The following SLC26A7 variants were observed in gnomAD, a reference collection of about 807,000 sequenced individuals.
SLC26A7 encodes the protein solute carrier family 26 member 7.
Under a neutral mutation model 82.5 loss-of-function variants are expected in SLC26A7, and 59 were observed. The ratio of observed to expected loss-of-function variants is 0.72; its 90% CI spans 0.58 to 0.89. The LOEUF is 0.89. SLC26A7 is among the 40% of genes least tolerant of loss of function. SLC26A7 has a pLI of 0.00. For synonymous variants in SLC26A7, 271 were observed against 274.3 expected (o/e 0.99, Z 0.12); for missense variants, 820 against 793.0 (o/e 1.03, Z -0.41).
intron 2 of SLC26A7, among the ~76,000 whole-genome samples, chr8:91,228,909 A>T (rs1810275513): frequency 6.6e-6 from 1 of 152,228 alleles, no homozygotes; most frequent in Non-Finnish European, 1.5e-5. Flanking sequence ...TCAAAGAATA[A>T]AATATCCATA....
At chr8:91,368,742 A>T (rs1461712075) in intron 14 of SLC26A7, among the ~76,000 whole-genome samples, 2 of 152,054 alleles carry the variant, frequency 1.3e-5, no homozygotes, top group Non-Finnish European at 2.9e-5. Context: ...TATTTTTAAG[A>T]GGAGGGAAAG....
chr8:91,223,704 A>G (rs1170971143), intron 2 of SLC26A7, among the ~76,000 whole-genome samples: 3 of 152,052 alleles, frequency 2.0e-5, no homozygotes, highest in Admixed American at 1.3e-4. Context: ...GTATTTGCTG[A>G]ATTTGCAAGT....
At chr8:91,344,232 C>T in intron 9 of SLC26A7, 1 of 983,046 alleles carries the variant, frequency 1.0e-6, no homozygotes, top group Non-Finnish European at 1.2e-6. Flanking sequence ...TCAGTTTCTA[C>T]ATGAGAAAGT....
At chr8:91,371,541 C>G (rs967385752) in intron 15 of SLC26A7, among the ~76,000 whole-genome samples, 2 of 149,350 alleles carry the variant, frequency 1.3e-5, no homozygotes, top group Admixed American at 6.6e-5. Flanking sequence ...TGACCTCCAG[C>G]TCCATCCATG....
chr8:91,228,085 A>T (rs1241098289), intron 2 of SLC26A7, among the ~76,000 whole-genome samples: 1 of 152,220 alleles, frequency 6.6e-6, no homozygotes, highest in Non-Finnish European at 1.5e-5. Context: ...TCCAAAAGGG[A>T]TCTGGAGACT....
intron 8 of SLC26A7, 159 bp from the exon 9 acceptor site, chr8:91,343,194 A>T: frequency 1.8e-6 from 1 of 571,324 alleles, no homozygotes; most frequent in Non-Finnish European, 3.1e-6. Flanking sequence ...GTAAGCACCC[A>T]ATAAATGTTA....
At chr8:91,276,123 T>A (rs1811399967) in intron 2 of SLC26A7, among the ~76,000 whole-genome samples, 1 of 152,232 alleles carries the variant, frequency 6.6e-6, no homozygotes, top group African/African-American at 2.4e-5. Flanking sequence ...GTGTGATGTT[T>A]ACTTACATAA....
At chr8:91,369,909 C>A (rs1814306513) in intron 15 of SLC26A7, 76 bp downstream of exon 15, 1 of 1,139,106 alleles carries the variant, frequency 8.8e-7, no homozygotes, top group South Asian at 1.4e-5. Flanking sequence ...TCTTCTTCCC[C>A]TTCTCCTCCT....
chr8:91,394,799 A>T (rs1159441372), intron 18 of SLC26A7: 1 of 935,800 alleles, frequency 1.1e-6, no homozygotes, highest in Non-Finnish European at 1.4e-6. Flanking sequence ...TATGAGGTAG[A>T]TATGATAATT....
At chr8:91,278,625 CT>C (rs1048190566) in intron 2 of SLC26A7, among the ~76,000 whole-genome samples, 3 of 151,776 alleles carry the variant, frequency 2.0e-5, no homozygotes, top group African/African-American at 7.3e-5. Context: ...AAATATTTGC[CT>C]TTTTTTAATT....
intron 14 of SLC26A7, among the ~76,000 whole-genome samples, chr8:91,367,325 A>G (rs930985203): frequency 6.6e-6 from 1 of 152,194 alleles, no homozygotes; most frequent in African/African-American, 2.4e-5. Flanking sequence ...TCTTTTCTTT[A>G]AACAAAAAAG....
At chr8:91,361,919 A>G (rs1814060795) in intron 11 of SLC26A7, among the ~76,000 whole-genome samples, 1 of 152,106 alleles carries the variant, frequency 6.6e-6, no homozygotes, top group Non-Finnish European at 1.5e-5. Flanking sequence ...TTAATAAACA[A>G]CCTTAGTTAT....
intron 4 of SLC26A7, among the ~76,000 whole-genome samples, chr8:91,313,669 AAC>A (rs1812549993): frequency 6.6e-6 from 1 of 152,108 alleles, no homozygotes; most frequent in African/African-American, 2.4e-5. Flanking sequence ...CCCCTTTCCC[AAC>A]ATCATCATTT....
At chr8:91,301,999 G>A (rs1812179999) in intron 4 of SLC26A7, among the ~76,000 whole-genome samples, 1 of 151,874 alleles carries the variant, frequency 6.6e-6, no homozygotes, top group Admixed American at 6.6e-5. Context: ...TTTTAGGTGG[G>A]TGAGTCTTTT....
chr8:91,248,371 G>A (rs1167894596), upstream of SLC26A7, among the ~76,000 whole-genome samples: 1 of 152,054 alleles, frequency 6.6e-6, no homozygotes, highest in Non-Finnish European at 1.5e-5. Context: ...TGCAGCAGGA[G>A]GGATCCAAGT....
At chr8:91,285,869 A>G (rs1263694085) in intron 2 of SLC26A7, among the ~76,000 whole-genome samples, 3 of 152,218 alleles carry the variant, frequency 2.0e-5, no homozygotes, top group African/African-American at 7.2e-5. Flanking sequence ...TTCTATGTGT[A>G]ATTGTAGCAC....
At position 91,352,904 on chromosome 8, in the gene SLC26A7, G is replaced by T. The variant is rs1324430777; in HGVS notation, c.1222G>T (p.Val408Phe). Reference sequence around the variant, plus strand: ...TCAACTTACGTTTTATTTCTAGTGTGTCCTTGCAAGCATTATTGTTGTGGG... The same window carrying T: ...TCAACTTACGTTTTATTTCTAGTGTTTCCTTGCAAGCATTATTGTTGTGGG... ...GPLLYWLPMC[V>F]LASIIVVGLK... The change falls in exon 11 of 19, where the codon GTC (valine) becomes TTC (phenylalanine). Residue 408 changes from valine (V) to phenylalanine (F), a missense_variant. By Grantham distance (50) the Val-to-Phe change is conservative. Transcript: ENST00000276609. 6.3e-7 allele frequency: 1 copy of T among 1,599,128 alleles called. No individual in the cohort carries two copies.
intron 1 of SLC26A7, among the ~76,000 whole-genome samples, chr8:91,215,534 T>C (rs1237206891): frequency 1.3e-5 from 2 of 152,204 alleles, no homozygotes; most frequent in Admixed American, 1.3e-4. Context: ...GTAGAGAATA[T>C]AATCATGTGT....
intron 2 of SLC26A7, among the ~76,000 whole-genome samples, chr8:91,229,454 C>T (rs1810283723): frequency 6.6e-6 from 1 of 152,098 alleles, no homozygotes; most frequent in African/African-American, 2.4e-5. Context: ...CAATGAACAC[C>T]CATATACTCA....
Sources: gnomAD v4.1 joint callset for allele counts (sites outside exome capture counted in the v4.1 genomes callset) on GRCh38, gnomAD v4.1.1 for gene constraint, MANE v1.5 for transcripts, NCBI Gene and HGNC (gene_info 2026-07-23, HGNC 2026-07-21) for gene names.